Variants in GPC6 observed in about 807,000 individuals in gnomAD.
The protein encoded by GPC6 is glypican-6.
In GPC6, 14 loss-of-function variants were observed where a neutral mutation model predicts 55.2. That is an observed-to-expected ratio of 0.25 (90% CI 0.17 to 0.40). GPC6 has a LOEUF of 0.40. Ranked by LOEUF, GPC6 falls within the 10% of genes least tolerant of loss-of-function variation. GPC6 has a pLI of 1.00. For synonymous variants in GPC6, 278 were observed against 259.6 expected, an observed-to-expected ratio of 1.07 and a Z score of -0.68; for missense variants, 641 against 708.5, an observed-to-expected ratio of 0.90 and a Z score of 1.08.
At chr13:93,902,554 C>T (rs1001002640) in intron 3 of GPC6, among the ~76,000 whole-genome samples, 5 of 152,114 alleles carry the variant, frequency 3.3e-5, no homozygotes, top group African/African-American at 1.2e-4. Flanking sequence ...TATTGCCCTT[C>T]CTTTAGATCT....
intron 3 of GPC6, among the ~76,000 whole-genome samples, chr13:93,911,684 C>A (rs1164543477): frequency 6.6e-6 from 1 of 152,144 alleles, no homozygotes; most frequent in Non-Finnish European, 1.5e-5. Context: ...AACCGTTTGA[C>A]CTTGGGCGTA....
intron 2 of GPC6, among the ~76,000 whole-genome samples, chr13:93,813,165 A>G (rs540338711): frequency 6.6e-6 from 1 of 152,322 alleles, no homozygotes; most frequent in Admixed American, 6.5e-5. Context: ...TAAAATGTAT[A>G]TTACCAGATA....
chr13:93,939,998 T>C (rs1399825961), intron 3 of GPC6, among the ~76,000 whole-genome samples: 1 of 152,184 alleles, frequency 6.6e-6, no homozygotes, highest in East Asian at 1.9e-4. Context: ...TTTATGTAGA[T>C]TAAGTTATAT....
chr13:93,426,450 T>C (rs1345586629), intron 1 of GPC6, among the ~76,000 whole-genome samples: 2 of 136,528 alleles, frequency 1.5e-5, no homozygotes, highest in Non-Finnish European at 1.6e-5. Context: ...TGTGTTCTCA[T>C]TGTTCAGTTC....
At chr13:93,224,979 G>A (rs1041382636), upstream of GPC6, among the ~76,000 whole-genome samples, 2 of 152,158 alleles carry the variant, frequency 1.3e-5, no homozygotes, top group Admixed American at 6.5e-5. Context: ...GTGTGCAATA[G>A]TCTAGTGCTA....
intron 2 of GPC6, among the ~76,000 whole-genome samples, chr13:93,592,328 G>C (rs759745036): frequency 6.7e-6 from 1 of 149,276 alleles, no homozygotes; most frequent in Non-Finnish European, 1.5e-5. Context: ...GGGATTACAG[G>C]CGTGCGCCCC....
chr13:93,231,431 A>ACG (rs1351685300), intron 1 of GPC6, among the ~76,000 whole-genome samples: 2 of 111,776 alleles, frequency 1.8e-5, no homozygotes, highest in Non-Finnish European at 3.8e-5. Context: ...ATACGTATAT[A>ACG]TATATATATA....
intron 3 of GPC6, among the ~76,000 whole-genome samples, chr13:93,973,629 G>A (rs993086608): frequency 3.3e-5 from 5 of 152,070 alleles, no homozygotes; most frequent in South Asian, 2.1e-4. Flanking sequence ...TTAAAATAAC[G>A]TGTTTATTAA....
intron 3 of GPC6, among the ~76,000 whole-genome samples, chr13:93,988,090 G>A (rs903106343): frequency 6.6e-6 from 1 of 152,086 alleles, no homozygotes; most frequent in Admixed American, 6.6e-5. Flanking sequence ...CTCGGCCTCA[G>A]AATTACCACG....
chr13:94,301,879 T>C (rs758994296), intron 5 of GPC6, among the ~76,000 whole-genome samples: 1 of 152,252 alleles, frequency 6.6e-6, no homozygotes, highest in Non-Finnish European at 1.5e-5. Flanking sequence ...CATCACATTA[T>C]TATTTCTCAA....
chr13:93,677,756 G>C (rs1432307465), intron 2 of GPC6, among the ~76,000 whole-genome samples: 1 of 152,104 alleles, frequency 6.6e-6, no homozygotes, highest in African/African-American at 2.4e-5. Flanking sequence ...ATACTACCCA[G>C]GTTTTAAAAC....
chr13:93,810,225 G>T (rs899473595), intron 2 of GPC6, among the ~76,000 whole-genome samples: 2 of 152,280 alleles, frequency 1.3e-5, no homozygotes, highest in Middle Eastern at 6.8e-3. Flanking sequence ...AGCTTCAGAC[G>T]ATTTGGAAAG....
At chr13:93,505,173 T>C (rs1033232193) in intron 1 of GPC6, among the ~76,000 whole-genome samples, 32 of 152,162 alleles carry the variant, frequency 2.1e-4, no homozygotes, top group African/African-American at 7.7e-4. Flanking sequence ...TATAGTAGTA[T>C]ATTAGTCAAA....
chr13:94,049,837 T>A (rs188314152), intron 4 of GPC6, among the ~76,000 whole-genome samples: 297 of 152,258 alleles, frequency 2.0e-3, no homozygotes, highest in African/African-American at 7.0e-3. Flanking sequence ...TCAACTATAG[T>A]TCCCATAATC....
chr13:94,284,111 G>A (rs781089970), intron 4 of GPC6, among the ~76,000 whole-genome samples: 3 of 152,156 alleles, frequency 2.0e-5, no homozygotes, highest in East Asian at 1.9e-4. Context: ...AGGCTTGCCC[G>A]GCAGGTGGGA....
intron 2 of GPC6, among the ~76,000 whole-genome samples, chr13:93,749,125 G>A (rs191734264): frequency 6.8e-4 from 104 of 151,884 alleles, no homozygotes; most frequent in Admixed American, 3.4e-3. Context: ...ATTACACATT[G>A]GATCCCATTT....
chr13:94,068,251 A>C (rs758902062), intron 4 of GPC6, among the ~76,000 whole-genome samples: 4 of 152,112 alleles, frequency 2.6e-5, no homozygotes, highest in Non-Finnish European at 5.9e-5. Flanking sequence ...TTGTGTAGGG[A>C]AACTCCAGTT....
intron 3 of GPC6, among the ~76,000 whole-genome samples, chr13:93,853,458 A>G (rs919186280): frequency 1.6e-4 from 25 of 151,660 alleles, no homozygotes; most frequent in Non-Finnish European, 4.4e-5. Context: ...ATCATTTGCA[A>G]GTCTTTAATC....
chr13:94,126,325 G>A (rs1886811353), intron 4 of GPC6, among the ~76,000 whole-genome samples: 1 of 152,150 alleles, frequency 6.6e-6, no homozygotes, highest in African/African-American at 2.4e-5. Context: ...TGAGGCTGCA[G>A]TGAGCTCTGA....
Sources: gnomAD v4.1 joint callset for allele counts (sites outside exome capture counted in the v4.1 genomes callset) on GRCh38, gnomAD v4.1.1 for gene constraint, MANE v1.5 for transcripts, NCBI Gene and HGNC (gene_info 2026-07-23, HGNC 2026-07-21) for gene names.